Variants in MCM9 observed in about 807,000 individuals in gnomAD.
MCM9 encodes minichromosome maintenance 9 homologous recombination repair factor.
A neutral mutation model predicts 72.8 loss-of-function variants in MCM9; 55 were observed. That is an observed-to-expected ratio of 0.76 (90% CI 0.61 to 0.95). The LOEUF (loss-of-function observed/expected upper bound fraction) is 0.95. MCM9 is among the 40% of genes least tolerant of loss of function. The probability of loss-of-function intolerance (pLI) is 0.00; values close to 1 mark genes in which losing one functional copy is unlikely to be tolerated. For synonymous variants in MCM9, 480 were observed against 503.4 expected, an observed-to-expected ratio of 0.95 and a Z score of 0.62; for missense variants, 1,279 against 1,377.0, an observed-to-expected ratio of 0.93 and a Z score of 1.13.
intron 8 of MCM9, among the ~76,000 whole-genome samples, chr6:118,861,033 T>C (rs1047534163): frequency 1.3e-5 from 2 of 152,200 alleles, no homozygotes; most frequent in Admixed American, 6.5e-5. Context: ...ATCTCATGTC[T>C]GCCAATGGCA....
rs573678849 is a variant in MCM9, at chr6:118,923,904, C to T, written c.528G>A (p.Glu176=). ...FCRPSSCPSL[E]SCDSSKFTCL... The stretch of plus-strand genomic sequence containing the variant: ...AAGTGAATTTAGAGGAATCACAGCT[C>T]TCCAAGCTGGGACACGAGGATGGCC... The change falls in exon 4 of 14, where the codon GAG becomes GAA. Residue 176 remains glutamate, a synonymous_variant. Transcript: ENST00000619706. 2 of 1,614,212 alleles carry T rather than the reference C, an allele frequency of 1.2e-6. No individual in the cohort carries two copies. Among genetic ancestry groups the T allele is most frequent in the South Asian group, 1.1e-5 (1 of 91,084 alleles).
intron 9 of MCM9, among the ~76,000 whole-genome samples, chr6:118,842,477 C>G (rs565536750): frequency 6.6e-6 from 1 of 152,312 alleles, no homozygotes; most frequent in South Asian, 2.1e-4. Flanking sequence ...TAGGCACAGG[C>G]ACTGATTTGC....
intron 9 of MCM9, among the ~76,000 whole-genome samples, chr6:118,846,952 A>C (rs546904802): frequency 3.6e-4 from 54 of 151,832 alleles, no homozygotes; most frequent in Admixed American, 9.2e-4. Flanking sequence ...ACCCTGCCCC[A>C]AAAAAACCCC....
At chr6:118,908,325 T>A (rs1389567009) in intron 8 of MCM9, 1 of 152,148 alleles carries the variant, frequency 6.6e-6, no homozygotes, top group Non-Finnish European at 1.5e-5. Flanking sequence ...ATCATTATTG[T>A]CCAGTGAATT....
At chr6:118,881,589 G>A (rs1323233208) in intron 8 of MCM9, among the ~76,000 whole-genome samples, 2 of 152,128 alleles carry the variant, frequency 1.3e-5, no homozygotes, top group Non-Finnish European at 2.9e-5. Flanking sequence ...AGCAAACCAG[G>A]AATAATGACT....
At chr6:118,894,901 GGGAA>G (rs1270061949) in intron 8 of MCM9, among the ~76,000 whole-genome samples, 16 of 152,100 alleles carry the variant, frequency 1.1e-4, no homozygotes, top group African/African-American at 2.9e-4. Flanking sequence ...CACGGAGGCT[GGGAA>G]GGGAGAGGCT....
chr6:118,831,345 A>G (rs1386807334), intron 9 of MCM9, among the ~76,000 whole-genome samples: 2 of 151,482 alleles, frequency 1.3e-5, no homozygotes, highest in African/African-American at 2.4e-5. Context: ...CATCTCAAAA[A>G]AAAAAAAAAA....
At chr6:118,838,359 C>G (rs1775115928) in intron 9 of MCM9, among the ~76,000 whole-genome samples, 1 of 151,198 alleles carries the variant, frequency 6.6e-6, no homozygotes, top group African/African-American at 2.4e-5. Context: ...CTGGGTTTCA[C>G]CATGTTAGCC....
chr6:118,860,632 C>T (rs1776841052), intron 8 of MCM9, among the ~76,000 whole-genome samples: 1 of 151,732 alleles, frequency 6.6e-6, no homozygotes, highest in Admixed American at 6.6e-5. Flanking sequence ...AAATGAATGC[C>T]CAAGAAAACC....
chr6:118,931,386 G>C, intron 3 of MCM9, 34 bp downstream of exon 3: 1 of 1,545,180 alleles, frequency 6.5e-7, no homozygotes, highest in East Asian at 2.3e-5. Context: ...CTTTCTAGAA[G>C]ATAGCATGGC....
intron 9 of MCM9, among the ~76,000 whole-genome samples, chr6:118,846,719 C>T (rs1035355118): frequency 1.3e-5 from 2 of 151,690 alleles, no homozygotes; most frequent in Non-Finnish European, 2.9e-5. Context: ...ACAAATCAAC[C>T]ATCCCCTTAT....
At chr6:118,882,090 C>A (rs778206053) in intron 8 of MCM9, among the ~76,000 whole-genome samples, 4 of 152,172 alleles carry the variant, frequency 2.6e-5, no homozygotes, top group African/African-American at 9.7e-5. Flanking sequence ...CCAATCCCAA[C>A]GCACAGAGTA....
At chr6:118,899,270 T>C (rs1779645235) in intron 8 of MCM9, among the ~76,000 whole-genome samples, 1 of 152,218 alleles carries the variant, frequency 6.6e-6, no homozygotes, top group African/African-American at 2.4e-5. Flanking sequence ...CTTCGATGGC[T>C]TCCCATGCCA....
rs753050907 is a variant in MCM9 at position 118,922,089 on chromosome 6, A to G, written c.622-3T>C. On this transcript the variant is annotated splice_region_variant and splice_polypyrimidine_tract_variant and intron_variant, in intron 4 of 13. Transcript: ENST00000619706. ...CTTCCAACAGATAGCCTTTGAACCTAGCAAAGAAAAGAAAACAGATTCTGA... is the reference window on the plus strand; with the variant it reads ...CTTCCAACAGATAGCCTTTGAACCTGGCAAAGAAAAGAAAACAGATTCTGA... The G allele has an allele frequency of 6.2e-7, 1 of 1,603,922 alleles. No homozygotes were observed. The highest frequency in any genetic ancestry group is 8.5e-7 in the Non-Finnish European group (1 of 1,175,910).
intron 11 of MCM9, 103 bp downstream of exon 11, chr6:118,827,824 A>G (rs1221986112): frequency 1.8e-6 from 2 of 1,083,856 alleles, no homozygotes; most frequent in Non-Finnish European, 2.7e-6. Context: ...AGCACCTTAG[A>G]GTGGGAGTTA....
At chr6:118,905,538 A>G (rs961205377) in intron 8 of MCM9, 4 of 738,472 alleles carry the variant, frequency 5.4e-6, no homozygotes, top group African/African-American at 5.4e-5. Flanking sequence ...ATGATTTCCA[A>G]GTTTTTCTTG....
At chr6:118,929,583 T>C (rs1015114004) in intron 3 of MCM9, among the ~76,000 whole-genome samples, 1 of 152,178 alleles carries the variant, frequency 6.6e-6, no homozygotes, top group African/African-American at 2.4e-5. Context: ...TATGGAAAGG[T>C]ATCTGAAAAT....
chr6:118,867,384 A>T (rs1777282813), intron 8 of MCM9, among the ~76,000 whole-genome samples: 1 of 152,196 alleles, frequency 6.6e-6, no homozygotes, highest in African/African-American at 2.4e-5. Context: ...TGCTGGTGTA[A>T]ACAAATGTAC....
intron 13 of MCM9, among the ~76,000 whole-genome samples, chr6:118,821,965 C>T (rs1438769981): frequency 6.6e-6 from 1 of 152,128 alleles, no homozygotes; most frequent in Non-Finnish European, 1.5e-5. Context: ...CTGTGTTTTT[C>T]AGCTCCATCA....
Sources: allele counts gnomAD v4.1 joint callset (sites outside exome capture counted in the v4.1 genomes callset), GRCh38; gene constraint gnomAD v4.1.1; transcripts MANE v1.5; gene names NCBI Gene and HGNC (gene_info 2026-07-23, HGNC 2026-07-21).